The following GRIP1 variants were observed in gnomAD, a reference collection of about 807,000 sequenced individuals.
GRIP1 encodes glutamate receptor-interacting protein 1.
GRIP1 carries 45 observed loss-of-function variants against 129.9 expected under a neutral mutation model. The observed-to-expected ratio is 0.35, with a 90% confidence interval of 0.27 to 0.44. The LOEUF is 0.44. Among genes scored for constraint, GRIP1 ranks in the 20% least tolerant of loss-of-function variants. The probability of loss-of-function intolerance (pLI) is 1.00; values close to 1 mark genes in which losing one functional copy is unlikely to be tolerated. For missense variants in GRIP1, 1,196 were observed against 1,396.8 expected (o/e 0.86, Z 2.29); for synonymous variants, 530 against 520.8 (o/e 1.02, Z -0.24).
At chr12:66,694,832 C>T (rs1033505310) in intron 1 of GRIP1, among the ~76,000 whole-genome samples, 6 of 152,096 alleles carry the variant, frequency 3.9e-5, no homozygotes, top group African/African-American at 2.4e-5. Context: ...AACCAGTTCC[C>T]GGATTACCAC....
intron 2 of GRIP1, among the ~76,000 whole-genome samples, chr12:66,554,627 A>G (rs939442241): frequency 1.3e-5 from 2 of 152,136 alleles, no homozygotes; most frequent in Non-Finnish European, 2.9e-5. Flanking sequence ...CATGAATGGC[A>G]TTTATGGACC....
intron 8 of GRIP1, 63 bp from the exon 9 acceptor site, chr12:66,463,156 G>A: frequency 7.8e-7 from 1 of 1,277,872 alleles, no homozygotes; most frequent in Non-Finnish European, 1.1e-6. Flanking sequence ...TGACTTTCAT[G>A]TCCTTCATAG....
intron 23 of GRIP1, among the ~76,000 whole-genome samples, chr12:66,363,966 A>T (rs987879481): frequency 6.6e-6 from 1 of 152,146 alleles, no homozygotes; most frequent in Non-Finnish European, 1.5e-5. Context: ...AGAAAATTTT[A>T]AATGTGGTGG....
chr12:66,551,343 C>A (rs10878450), intron 2 of GRIP1, among the ~76,000 whole-genome samples: 18,022 of 152,218 alleles, frequency 0.12, 1,169 homozygotes, highest in East Asian at 0.19. Context: ...AAGGGAATAA[C>A]AGCTCAACGT....
At chr12:66,633,037 G>A (rs1000465239) in intron 1 of GRIP1, among the ~76,000 whole-genome samples, 2 of 151,534 alleles carry the variant, frequency 1.3e-5, no homozygotes, top group Admixed American at 6.6e-5. Context: ...TTTTTGAGCA[G>A]GGTCTCTCAC....
intron 1 of GRIP1, among the ~76,000 whole-genome samples, chr12:67,064,176 C>T (rs2043582999): frequency 6.6e-6 from 1 of 152,168 alleles, no homozygotes; most frequent in Non-Finnish European, 1.5e-5. Context: ...TTGCAAAAGC[C>T]TTGTCAAAAG....
chr12:67,067,081 A>G (rs1360886046), intron 1 of GRIP1, among the ~76,000 whole-genome samples: 1 of 152,056 alleles, frequency 6.6e-6, no homozygotes, highest in Non-Finnish European at 1.5e-5. Context: ...TTAAAGTGAG[A>G]AAGAAGAAAC....
At chr12:66,755,085 G>T (rs2037244942) in intron 1 of GRIP1, among the ~76,000 whole-genome samples, 1 of 151,746 alleles carries the variant, frequency 6.6e-6, no homozygotes, top group South Asian at 2.1e-4. Context: ...AAAGAAAGTG[G>T]GCCAAAATAA....
chr12:66,459,549 T>A (rs958773005), intron 9 of GRIP1, among the ~76,000 whole-genome samples: 4 of 152,276 alleles, frequency 2.6e-5, no homozygotes, highest in African/African-American at 9.6e-5. Context: ...AATTAATAAG[T>A]CAATAAGGAA....
intron 1 of GRIP1, among the ~76,000 whole-genome samples, chr12:66,784,841 C>T (rs560665865): frequency 6.6e-6 from 1 of 152,152 alleles, no homozygotes; most frequent in Non-Finnish European, 1.5e-5. Flanking sequence ...TAGACACCTT[C>T]TGTTCTTTCA....
At chr12:66,509,964 A>G (rs1312381721) in intron 7 of GRIP1, among the ~76,000 whole-genome samples, 3 of 151,352 alleles carry the variant, frequency 2.0e-5, no homozygotes, top group African/African-American at 7.3e-5. Flanking sequence ...TTGAAGAAGA[A>G]AAAAAAAAGA....
At chr12:66,999,208 T>C (rs2042514414) in intron 1 of GRIP1, among the ~76,000 whole-genome samples, 1 of 152,190 alleles carries the variant, frequency 6.6e-6, no homozygotes, top group Admixed American at 6.5e-5. Context: ...TTTAATGTGC[T>C]GTAGTCCAAA....
rs1167251156 is a variant in GRIP1, at chr12:66,347,527, G to C, written c.*1492C>G. 6.6e-6 allele frequency: 1 copy of C among 151,964 alleles called. No individual in the cohort carries two copies. The highest frequency in any genetic ancestry group is 1.5e-5 in the Non-Finnish European group (1 of 67,998). 9.4% of individuals were successfully genotyped at this position (151,964 alleles called of 1,614,324 possible). On this transcript the variant is annotated 3_prime_UTR_variant, in exon 25 of 25. Coordinates refer to ENST00000359742, the MANE Select transcript of GRIP1 (RefSeq NM_001366722.1). ...TCCATACAAATATTTGAACAATTTT[G>C]AATTCCCCAAAACCATACATAGACG...
At chr12:66,433,740 T>A (rs2058218437) in intron 13 of GRIP1, among the ~76,000 whole-genome samples, 1 of 152,222 alleles carries the variant, frequency 6.6e-6, no homozygotes, top group Admixed American at 6.5e-5. Context: ...ACTATAATCC[T>A]TTCTGATGGT....
intron 2 of GRIP1, among the ~76,000 whole-genome samples, chr12:66,578,548 C>T (rs1209341800): frequency 6.6e-6 from 1 of 152,120 alleles, no homozygotes; most frequent in Non-Finnish European, 1.5e-5. Flanking sequence ...CGGGTCACTC[C>T]CACCCAAATA....
intron 1 of GRIP1, among the ~76,000 whole-genome samples, chr12:66,800,593 T>C (rs2038830066): frequency 6.6e-6 from 1 of 152,072 alleles, no homozygotes; most frequent in Non-Finnish European, 1.5e-5. Flanking sequence ...CACATGACAA[T>C]AGAATCAGAC....
At chr12:66,384,817 T>C (rs2056281726) in intron 19 of GRIP1, among the ~76,000 whole-genome samples, 1 of 152,206 alleles carries the variant, frequency 6.6e-6, no homozygotes, top group African/African-American at 2.4e-5. Context: ...TAAATCCTGA[T>C]GTTGCTTAAA....
At chr12:66,512,895 T>C (rs1470391548) in intron 7 of GRIP1, among the ~76,000 whole-genome samples, 1 of 152,144 alleles carries the variant, frequency 6.6e-6, no homozygotes, top group Non-Finnish European at 1.5e-5. Context: ...ATGTATGAAA[T>C]ATATTTAACA....
rs58362219 is a variant in GRIP1 at position 66,796,327 on chromosome 12, TA to T, written c.-420+7725del. Among the ~76,000 whole-genome samples, 85 of 147,732 alleles carry T rather than the reference TA, an allele frequency of 5.8e-4. 2 individuals are homozygous for T. The highest frequency in any genetic ancestry group is 3.2e-3 in the East Asian group (16 of 5,046). ...TCCTAGGAAAAAATGGATTCGGAAT[TA>T]AAAAAAAAAACTGATTTAACAAATG... On this transcript the variant is annotated intron_variant, in intron 1 of 4. Transcript: ENST00000538373.
Sources: gnomAD v4.1 joint callset for allele counts (sites outside exome capture counted in the v4.1 genomes callset) on GRCh38, gnomAD v4.1.1 for gene constraint, MANE v1.5 for transcripts, NCBI Gene and HGNC (gene_info 2026-07-23, HGNC 2026-07-21) for gene names.